The following CELF2 variants were observed in gnomAD, a reference collection of about 807,000 sequenced individuals.
CELF2 encodes the protein CUGBP Elav-like family member 2, also known as CUG triplet repeat RNA-binding protein 2.
In CELF2, 8 loss-of-function variants were observed where a neutral mutation model predicts 62.6. That is an observed-to-expected ratio of 0.13 (90% CI 0.07 to 0.23). The LOEUF is 0.23. Ranked by LOEUF, CELF2 falls within the 10% of genes least tolerant of loss-of-function variation. CELF2 has a pLI of 1.00. For synonymous variants in CELF2, 258 were observed against 250.0 expected (o/e 1.03, Z -0.30); for missense variants, 333 against 671.0 (o/e 0.50, Z 5.56).
At chr10:11,124,144 T>C (rs2131577477) in intron 1 of CELF2, among the ~76,000 whole-genome samples, 1 of 152,308 alleles carries the variant, frequency 6.6e-6, no homozygotes. Flanking sequence ...GATTCATTTA[T>C]TGCCATCTGG....
At chr10:10,960,052 A>C (rs2049320505) in intron 2 of CELF2, 1 of 152,254 alleles carries the variant, frequency 6.6e-6, no homozygotes, top group African/African-American at 2.4e-5. Context: ...TCAAGATGGC[A>C]TTACACTGCA....
the CELF2 span, among the ~76,000 whole-genome samples, chr10:10,566,524 C>T: frequency 1.3e-5 from 2 of 149,784 alleles, no homozygotes; most frequent in Non-Finnish European, 1.5e-5. Context: ...CCCACTAACT[C>T]GTCATCTAGC....
At chr10:10,858,715 T>C (rs2059891436) in intron 1 of CELF2, among the ~76,000 whole-genome samples, 2 of 152,076 alleles carry the variant, frequency 1.3e-5, no homozygotes, top group Non-Finnish European at 2.9e-5. Context: ...AATGAAAGTA[T>C]GTTGTTGAAT....
At chr10:10,893,813 A>G (rs1197785446) in intron 1 of CELF2, among the ~76,000 whole-genome samples, 2 of 152,184 alleles carry the variant, frequency 1.3e-5, no homozygotes, top group Non-Finnish European at 2.9e-5. Context: ...CACTATCTCA[A>G]GAACAGCACC....
intron 2 of CELF2, among the ~76,000 whole-genome samples, chr10:10,932,652 A>C (rs577619626): frequency 1.6e-4 from 24 of 150,068 alleles, no homozygotes; most frequent in Non-Finnish European, 3.2e-4. Flanking sequence ...TGTCTCTTAC[A>C]TGATAAAGTA....
At chr10:10,468,749 C>T in the CELF2 span, among the ~76,000 whole-genome samples, 2 of 151,968 alleles carry the variant, frequency 1.3e-5, no homozygotes, top group Admixed American at 6.6e-5. Context: ...TCTCATCCCT[C>T]CTTTAAACAA....
intron 1 of CELF2, among the ~76,000 whole-genome samples, chr10:11,057,227 G>A (rs1417579221): frequency 6.6e-6 from 1 of 152,040 alleles, no homozygotes; most frequent in Non-Finnish European, 1.5e-5. Context: ...GAGCCAGTGT[G>A]GGTCATACGA....
intron 2 of CELF2, among the ~76,000 whole-genome samples, chr10:11,169,746 G>A (rs766523097): frequency 3.0e-4 from 46 of 152,326 alleles, no homozygotes; most frequent in Non-Finnish European, 6.0e-4. Flanking sequence ...TCAGGATGTC[G>A]TCTGTCATGG....
chr10:11,136,143 C>T (rs2060402289), intron 1 of CELF2, among the ~76,000 whole-genome samples: 1 of 152,154 alleles, frequency 6.6e-6, no homozygotes, highest in East Asian at 1.9e-4. Context: ...TTCAGAAAGA[C>T]AACTGGAAAC....
At chr10:11,273,090 G>A (rs2138741741) in intron 7 of CELF2, among the ~76,000 whole-genome samples, 1 of 152,180 alleles carries the variant, frequency 6.6e-6, no homozygotes, top group East Asian at 1.9e-4. Context: ...ATGTGTGTGG[G>A]CAGGGAATGG....
At position 11,246,846 on chromosome 10, in the gene CELF2, G is replaced by A. The variant is rs918247331; in HGVS notation, c.355-2307G>A. 2.0e-5 allele frequency among the ~76,000 whole-genome samples: 3 copies of A among 152,092 alleles called. No homozygotes were observed. Among genetic ancestry groups the A allele is most frequent in the South Asian group, 2.1e-4 (1 of 4,824 alleles). ...TCTCTGTGGCCCTGGCCCGTCTCTC[G>A]AGCCTGAGCCCCATGATTACAACTT... On this transcript the variant is annotated intron_variant, in intron 3 of 12. Transcript: ENST00000633077. This position sits in a 1 kb window ranked among gnomAD's most constrained non-coding sequence, Gnocchi z 4.6.
At chr10:10,859,560 A>G (rs1017946405) in intron 1 of CELF2, among the ~76,000 whole-genome samples, 1 of 152,208 alleles carries the variant, frequency 6.6e-6, no homozygotes, top group Non-Finnish European at 1.5e-5. Context: ...ATAGTATTTC[A>G]CATAGAAAAA....
the CELF2 span, among the ~76,000 whole-genome samples, chr10:10,651,367 C>G: frequency 6.9e-6 from 1 of 144,520 alleles, no homozygotes; most frequent in East Asian, 2.0e-4. Context: ...GTGGAACCCA[C>G]CACAGCTCAA....
rs574788574 is a variant in CELF2, at chr10:11,178,770, C to A, written c.271+13088C>A. The stretch of plus-strand genomic sequence containing the variant: ...GAATGCTCAGGAGATAAGAGTGGGG[C>A]CTATCGCTCTGTGGCTTTCTCCCCC... On this transcript the variant is annotated intron_variant, in intron 2 of 12. Transcript: ENST00000633077. The surrounding 1 kb of genome is among the most constrained non-coding windows in gnomAD (Gnocchi z 4.3). Among the ~76,000 whole-genome samples, 4 of 152,304 alleles carry A rather than the reference C, an allele frequency of 2.6e-5. No homozygotes were observed. The South Asian group carries it at 6.2e-4, about 24-fold the overall frequency.
At chr10:10,520,276 C>T in the CELF2 span, among the ~76,000 whole-genome samples, 1 of 151,998 alleles carries the variant, frequency 6.6e-6, no homozygotes. Context: ...TATACCTGAC[C>T]CTGGTTCAAC....
the CELF2 span, among the ~76,000 whole-genome samples, chr10:10,553,707 A>G: frequency 6.6e-6 from 1 of 152,178 alleles, no homozygotes; most frequent in African/African-American, 2.4e-5. Context: ...CTGAGTGATG[A>G]GCTGAAGTCA....
rs2076307805 is a variant in CELF2, at chr10:11,191,622, G to A, written c.272-25803G>A. On this transcript the variant is annotated intron_variant, in intron 2 of 12. Transcript: ENST00000633077. This position sits in a 1 kb window ranked among gnomAD's most constrained non-coding sequence, Gnocchi z 4.1. ...GGGGCACCCCATGGCCTGCCCTTGGGTTTCATTTAACTGTGGCCTCCCCAG... is the reference window on the plus strand; with the variant it reads ...GGGGCACCCCATGGCCTGCCCTTGGATTTCATTTAACTGTGGCCTCCCCAG... 6.6e-6 allele frequency among the ~76,000 whole-genome samples: 1 copy of A among 152,154 alleles called. No homozygotes were observed. Among genetic ancestry groups the A allele is most frequent in the South Asian group, 2.1e-4 (1 of 4,828 alleles).
At chr10:10,719,868 G>T in the CELF2 span, among the ~76,000 whole-genome samples, 5 of 152,286 alleles carry the variant, frequency 3.3e-5, no homozygotes, top group Admixed American at 3.3e-4. Context: ...TGATTTGGGC[G>T]GTGGGGATTA....
In CELF2 at chr10:11,222,529, G is replaced by A. The variant is rs573932474; in HGVS notation, c.354+5022G>A. Among the ~76,000 whole-genome samples the A allele has an allele frequency of 9.9e-5, 15 of 152,270 alleles. No homozygotes were observed. In the South Asian group the frequency reaches 1.0e-3, roughly 11 times the overall value. On this transcript the variant is annotated intron_variant, in intron 3 of 12. Transcript: ENST00000633077. ...GAGTCCTCGAAGTCTTGTGCCATGC[G>A]GGGCACACAAAGCGCTGATGCATTT...
Sources: allele counts gnomAD v4.1 joint callset (sites outside exome capture counted in the v4.1 genomes callset), GRCh38; gene constraint gnomAD v4.1.1; non-coding constraint Gnocchi (gnomAD v3.1); transcripts MANE v1.5; gene names NCBI Gene and HGNC (gene_info 2026-07-23, HGNC 2026-07-21).